STK32B: variants seen among roughly 807,000 people sequenced by gnomAD.
STK32B encodes the protein serine/threonine-protein kinase 32B.
Under a neutral mutation model 52.6 loss-of-function variants are expected in STK32B, and 43 were observed. That is an observed-to-expected ratio of 0.82 (90% confidence interval 0.64 to 1.05). The LOEUF (loss-of-function observed/expected upper bound fraction) is 1.05, where lower values mean the gene tolerates loss of function less well. STK32B is among the 50% of genes least tolerant of loss of function. The pLI is 0.00. For missense variants in STK32B, 621 were observed against 534.6 expected, an observed-to-expected ratio of 1.16 and a Z score of -1.59; for synonymous variants, 238 against 204.3, an observed-to-expected ratio of 1.17 and a Z score of -1.41.
the STK32B span, among the ~76,000 whole-genome samples, chr4:5,043,259 C>T: frequency 6.6e-6 from 1 of 152,128 alleles, no homozygotes; most frequent in Non-Finnish European, 1.5e-5. Flanking sequence ...CATTGAGTCT[C>T]CCTTGTCTCA....
chr4:5,078,126 C>A (rs1454686250), intron 1 of STK32B, among the ~76,000 whole-genome samples: 2 of 152,082 alleles, frequency 1.3e-5, no homozygotes, highest in Admixed American at 6.6e-5. Context: ...AGGAAAGGGG[C>A]CTTTTCTTCT....
upstream of STK32B, among the ~76,000 whole-genome samples, chr4:5,051,162 C>T (rs879874559): frequency 3.3e-5 from 5 of 152,270 alleles, no homozygotes; most frequent in Admixed American, 6.5e-5. Flanking sequence ...CCTTCGCAGC[C>T]GGGGCCGACT....
At chr4:5,407,971 T>C (rs945650187) in intron 5 of STK32B, among the ~76,000 whole-genome samples, 7 of 152,084 alleles carry the variant, frequency 4.6e-5, no homozygotes, top group Non-Finnish European at 8.8e-5. Context: ...CCTCACCCTT[T>C]CCACCATGTG....
At chr4:5,253,757 C>T (rs1463582393) in intron 3 of STK32B, among the ~76,000 whole-genome samples, 1 of 152,118 alleles carries the variant, frequency 6.6e-6, no homozygotes, top group Non-Finnish European at 1.5e-5. Flanking sequence ...CTGAACTGTA[C>T]ACTTGGAAAC....
intron 3 of STK32B, among the ~76,000 whole-genome samples, chr4:5,247,825 T>C (rs190890018): frequency 1.6e-3 from 240 of 152,284 alleles, no homozygotes; most frequent in South Asian, 3.7e-3. Flanking sequence ...TGTTTCTTTT[T>C]CCCATACTGC....
intron 2 of STK32B, among the ~76,000 whole-genome samples, chr4:5,145,975 T>G (rs571261397): frequency 9.2e-5 from 14 of 152,238 alleles, no homozygotes; most frequent in African/African-American, 2.6e-4. Context: ...AAAAGTTTTA[T>G]AGAGTTAGCT....
intron 4 of STK32B, among the ~76,000 whole-genome samples, chr4:5,352,763 A>C (rs935676958): frequency 6.6e-6 from 1 of 152,130 alleles, no homozygotes; most frequent in Non-Finnish European, 1.5e-5. Context: ...ATACAAAATC[A>C]TCATACAAAA....
chr4:5,381,220 T>C (rs1447347062), intron 4 of STK32B, among the ~76,000 whole-genome samples: 1 of 152,224 alleles, frequency 6.6e-6, no homozygotes. Context: ...GCTGTGACCT[T>C]GGGTCCTTTA....
At chr4:5,277,997 G>A (rs1727944651) in intron 3 of STK32B, among the ~76,000 whole-genome samples, 2 of 152,150 alleles carry the variant, frequency 1.3e-5, no homozygotes, top group South Asian at 2.1e-4. Context: ...TTACCAGGTA[G>A]CCACCATAAG....
intron 3 of STK32B, among the ~76,000 whole-genome samples, chr4:5,196,559 A>G (rs961500620): frequency 4.0e-5 from 6 of 151,678 alleles, no homozygotes; most frequent in African/African-American, 1.5e-4. Flanking sequence ...CCTCTGTTCT[A>G]AAAATACAAA....
chr4:5,145,685 G>C (rs13107610), intron 2 of STK32B, among the ~76,000 whole-genome samples: 49,677 of 151,892 alleles, frequency 0.33, 9,564 homozygotes, highest in Non-Finnish European at 0.44. Flanking sequence ...TGCATTTTTT[G>C]CTATTGTTTA....
At chr4:5,437,023 G>A (rs1008536805) in intron 6 of STK32B, among the ~76,000 whole-genome samples, 1 of 152,224 alleles carries the variant, frequency 6.6e-6, no homozygotes, top group Non-Finnish European at 1.5e-5. Flanking sequence ...ATACTGGGCT[G>A]AGCACCAGGT....
chr4:5,175,172 C>T (rs1366580687), intron 3 of STK32B, among the ~76,000 whole-genome samples: 2 of 152,084 alleles, frequency 1.3e-5, no homozygotes, highest in African/African-American at 2.4e-5. Flanking sequence ...AAGGACTTCT[C>T]TGCATTGGTT....
Position 5,066,841 on chromosome 4 carries a change from C to T in STK32B, c.52+14926C>T, listed in dbSNP as rs932256927. ...ATCTTATCCCATTTGACTCAGTCATCTCCCACTTATCTTTCTTCAAGATGC... is the reference window on the plus strand; with the variant it reads ...ATCTTATCCCATTTGACTCAGTCATTTCCCACTTATCTTTCTTCAAGATGC... On this transcript the variant is annotated intron_variant, in intron 1 of 11. Coordinates refer to ENST00000282908, the MANE Select transcript of STK32B (RefSeq NM_018401.3). Among the ~76,000 whole-genome samples, 8 of 152,334 alleles carry T rather than the reference C, an allele frequency of 5.3e-5. No homozygotes were observed. The East Asian group carries it at 1.2e-3, about 22-fold the overall frequency.
At chr4:5,358,440 T>C (rs1734317396) in intron 4 of STK32B, among the ~76,000 whole-genome samples, 1 of 152,218 alleles carries the variant, frequency 6.6e-6, no homozygotes. Context: ...TGGTTAAAGC[T>C]TTATTCCCGT....
intron 1 of STK32B, among the ~76,000 whole-genome samples, chr4:5,084,083 A>G (rs1030954302): frequency 4.6e-5 from 7 of 152,162 alleles, no homozygotes; most frequent in African/African-American, 1.7e-4. Context: ...TCTCTGCAAC[A>G]CTACTTTTCA....
chr4:5,435,729 C>A (rs968251503), intron 6 of STK32B: 11 of 152,144 alleles, frequency 7.2e-5, no homozygotes, highest in African/African-American at 1.9e-4. Context: ...CCAGAGAGAA[C>A]ACAACACTCT....
At chr4:5,106,026 G>A (rs1714087565) in intron 1 of STK32B, among the ~76,000 whole-genome samples, 1 of 152,032 alleles carries the variant, frequency 6.6e-6, no homozygotes, top group South Asian at 2.1e-4. Context: ...TCCTTGGCCA[G>A]GTGTGGTGGC....
rs12648566 is a variant in STK32B at position 5,271,001 on chromosome 4, G to A, written c.261-60219G>A. Among the ~76,000 whole-genome samples the A allele has an allele frequency of 7.5e-3, 1,141 of 151,562 alleles. 65 individuals carry two copies. In the East Asian group the frequency reaches 0.14, roughly 19 times the overall value. ...CACCCAGGCTGGAGTGCAGGGGTGCGATCTCAGCCCACTGCAACCTCTGCC... is the reference window on the plus strand; with the variant it reads ...CACCCAGGCTGGAGTGCAGGGGTGCAATCTCAGCCCACTGCAACCTCTGCC... On this transcript the variant is annotated intron_variant, in intron 3 of 11. Coordinates refer to ENST00000282908, the MANE Select transcript of STK32B (RefSeq NM_018401.3).
Sources: allele counts gnomAD v4.1 joint callset (sites outside exome capture counted in the v4.1 genomes callset), GRCh38; gene constraint gnomAD v4.1.1; transcripts MANE v1.5; gene names NCBI Gene and HGNC (gene_info 2026-07-23, HGNC 2026-07-21).